Variants in LRRTM4 observed in about 807,000 individuals in gnomAD.
The protein encoded by LRRTM4 is leucine-rich repeat transmembrane neuronal protein 4.
In LRRTM4, 25 loss-of-function variants were observed where a neutral mutation model predicts 47.6. The observed-to-expected ratio is 0.53, with a 90% CI of 0.38 to 0.73. The LOEUF is 0.73. Among genes scored for constraint, LRRTM4 ranks in the 30% least tolerant of loss-of-function variants. The pLI is 0.00. For missense variants in LRRTM4, 638 were observed against 713.4 expected (o/e 0.89, Z 1.20); for synonymous variants, 311 against 269.5 (o/e 1.15, Z -1.51).
At chr2:77,220,087 G>A (rs1674575668) in intron 3 of LRRTM4, among the ~76,000 whole-genome samples, 2 of 152,142 alleles carry the variant, frequency 1.3e-5, no homozygotes, top group African/African-American at 4.8e-5. Context: ...CTGATACCCA[G>A]GCAAACAGGG....
chr2:77,476,737 T>C (rs541574876), intron 3 of LRRTM4, among the ~76,000 whole-genome samples: 1 of 152,238 alleles, frequency 6.6e-6, no homozygotes, highest in South Asian at 2.1e-4. Flanking sequence ...GACCGAGTTT[T>C]ACAAATTAAT....
intron 3 of LRRTM4, among the ~76,000 whole-genome samples, chr2:77,314,031 C>T (rs771982795): frequency 9.9e-5 from 15 of 152,260 alleles, no homozygotes; most frequent in Non-Finnish European, 1.6e-4. Context: ...GTTTGTAATG[C>T]AACTTACAAT....
intron 3 of LRRTM4, among the ~76,000 whole-genome samples, chr2:76,817,476 A>C (rs1670934802): frequency 6.6e-6 from 1 of 151,956 alleles, no homozygotes. Flanking sequence ...AAAATGAATG[A>C]GTAGTACCTC....
At chr2:77,166,875 C>G (rs1289960655) in intron 3 of LRRTM4, among the ~76,000 whole-genome samples, 1 of 152,092 alleles carries the variant, frequency 6.6e-6, no homozygotes, top group Non-Finnish European at 1.5e-5. Flanking sequence ...CTAGGCAATA[C>G]CATTCAGGAC....
intron 3 of LRRTM4, among the ~76,000 whole-genome samples, chr2:77,417,078 G>A (rs542160787): frequency 6.7e-6 from 1 of 149,538 alleles, no homozygotes; most frequent in East Asian, 1.9e-4. Flanking sequence ...CGAAAAGTGG[G>A]CAAAGGATAT....
intron 3 of LRRTM4, among the ~76,000 whole-genome samples, chr2:76,977,864 C>G (rs1280016782): frequency 6.6e-6 from 1 of 151,994 alleles, no homozygotes; most frequent in African/African-American, 2.4e-5. Flanking sequence ...GCATAAACTT[C>G]TTTTCCTTCC....
chr2:77,438,430 G>A (rs191032679), intron 3 of LRRTM4, among the ~76,000 whole-genome samples: 4 of 116,028 alleles, frequency 3.4e-5, no homozygotes, highest in Admixed American at 9.9e-5. Flanking sequence ...TTTTTGAGAT[G>A]GAGTCTCGCT....
intron 3 of LRRTM4, among the ~76,000 whole-genome samples, chr2:77,126,849 G>C (rs1671664304): frequency 6.6e-6 from 1 of 152,128 alleles, no homozygotes. Flanking sequence ...TTTCAGGAGA[G>C]GGTTGCATTC....
At chr2:77,305,844 C>T (rs1179021492) in intron 3 of LRRTM4, among the ~76,000 whole-genome samples, 1 of 151,914 alleles carries the variant, frequency 6.6e-6, no homozygotes, top group Non-Finnish European at 1.5e-5. Flanking sequence ...TCTGGAACAT[C>T]TTAAACTTTT....
chr2:76,887,259 A>G (rs1373089558), intron 3 of LRRTM4, among the ~76,000 whole-genome samples: 1 of 151,796 alleles, frequency 6.6e-6, no homozygotes, highest in Admixed American at 6.6e-5. Flanking sequence ...AGTAGATTCA[A>G]GAGGGTATAG....
chr2:77,107,236 A>G (rs2103924604), intron 3 of LRRTM4, among the ~76,000 whole-genome samples: 1 of 143,978 alleles, frequency 6.9e-6, no homozygotes, highest in African/African-American at 2.8e-5. Context: ...TAGCAACATT[A>G]AAAAGAAAAC....
intron 3 of LRRTM4, among the ~76,000 whole-genome samples, chr2:77,373,084 A>ATATATATAT (rs1553435852): frequency 8.6e-5 from 11 of 127,224 alleles, no homozygotes; most frequent in South Asian, 5.8e-4. Context: ...ACAATTAAAA[A>ATATATATAT]AAAAATATAT....
intron 3 of LRRTM4, among the ~76,000 whole-genome samples, chr2:77,045,396 T>C (rs1679200882): frequency 6.6e-6 from 1 of 151,932 alleles, no homozygotes; most frequent in South Asian, 2.1e-4. Context: ...TATCATGTCA[T>C]TTCCCCTGCA....
At chr2:77,325,733 T>C (rs1670744725) in intron 3 of LRRTM4, among the ~76,000 whole-genome samples, 2 of 152,162 alleles carry the variant, frequency 1.3e-5, no homozygotes, top group Admixed American at 6.6e-5. Flanking sequence ...TTCTTTGTAC[T>C]ATGTATCGGA....
intron 3 of LRRTM4, among the ~76,000 whole-genome samples, chr2:77,113,494 C>T (rs1043310013): frequency 1.3e-5 from 2 of 152,128 alleles, no homozygotes; most frequent in Non-Finnish European, 2.9e-5. Flanking sequence ...CCACTTGTTT[C>T]CTTGTGTTGG....
intron 3 of LRRTM4, among the ~76,000 whole-genome samples, chr2:76,979,707 T>TAGATAGAC (rs1201400544): frequency 6.6e-6 from 1 of 151,238 alleles, no homozygotes; most frequent in African/African-American, 2.4e-5. Context: ...GATAGATAGA[T>TAGATAGAC]AGATAGATAG....
At chr2:77,213,844 AAG>A (rs1224777358) in intron 3 of LRRTM4, among the ~76,000 whole-genome samples, 1 of 152,124 alleles carries the variant, frequency 6.6e-6, no homozygotes, top group Admixed American at 6.5e-5. Flanking sequence ...CAGCAGGAAG[AAG>A]AGTGCTTCAC....
chr2:77,140,016 A>G (rs7566483), intron 3 of LRRTM4, among the ~76,000 whole-genome samples: 56,014 of 151,982 alleles, frequency 0.37, 11,593 homozygotes, highest in African/African-American at 0.56. Flanking sequence ...TTTTGGATAC[A>G]AAGAATCAAT....
intron 3 of LRRTM4, among the ~76,000 whole-genome samples, chr2:76,947,849 G>T (rs1283181207): frequency 6.6e-6 from 1 of 151,766 alleles, no homozygotes; most frequent in South Asian, 2.1e-4. Context: ...CACATTTACA[G>T]CAGATTCTTA....
Sources: allele counts gnomAD v4.1 joint callset (sites outside exome capture counted in the v4.1 genomes callset), GRCh38; gene constraint gnomAD v4.1.1; transcripts MANE v1.5; gene names NCBI Gene and HGNC (gene_info 2026-07-23, HGNC 2026-07-21).